Variants in NEB observed in about 807,000 individuals in gnomAD.
NEB encodes nemaline myopathy type 2.
Under a neutral mutation model 952.2 loss-of-function variants are expected in NEB, and 512 were observed. The observed-to-expected ratio is 0.54, with a 90% CI of 0.50 to 0.58. NEB has a LOEUF of 0.58. Ranked by LOEUF, NEB falls within the 20% of genes least tolerant of loss-of-function variation. NEB has a pLI of 0.00. For missense variants in NEB, 8,428 were observed against 9,231.1 expected (o/e 0.91, Z 3.56); for synonymous variants, 2,900 against 3,149.8 (o/e 0.92, Z 2.66).
rs201579869 is a variant in NEB at position 151,535,669 on chromosome 2, G to A, written c.21312+22C>T. On this transcript the variant is annotated intron_variant, in intron 142 of 181. Transcript: ENST00000397345. ...TTTAGGGAATTGAATAGGCTTAATT[G>A]GAGCAGTTTATTCATACATACCTCA... 2,973 of 1,457,912 alleles carry A rather than the reference G, an allele frequency of 2.0e-3. 13 individuals carry two copies. The highest frequency in any genetic ancestry group is 6.2e-3 in the South Asian group (515 of 83,620). 90.3% of individuals were successfully genotyped at this position (1,457,912 alleles called of 1,614,324 possible).
At chr2:151,502,361 T>C (rs959946793) in intron 167 of NEB, among the ~76,000 whole-genome samples, 14 of 147,514 alleles carry the variant, frequency 9.5e-5, no homozygotes, top group African/African-American at 3.3e-4. Context: ...CCCAAACTTA[T>C]GGAAAAATAA....
chr2:151,611,704 G>C lies in NEB; in HGVS notation c.11805+482C>G, dbSNP rs2097973021. On this transcript the variant is annotated intron_variant, in intron 78 of 181. Transcript: ENST00000397345. ...AAACTGAAAGCAGAGATTGCAGCTA[G>C]CTTTCAAAAGTGGATTTCCATAACC... Among the ~76,000 whole-genome samples, 7 of 152,314 alleles carry C rather than the reference G, an allele frequency of 4.6e-5. No individual in the cohort carries two copies. The South Asian group carries it at 1.2e-3, about 27-fold the overall frequency.
rs953960458 is a variant in NEB, at chr2:151,496,460, A to T, written c.24394-92T>A. 5 of 1,481,060 alleles carry T rather than the reference A, an allele frequency of 3.4e-6. No individual in the cohort carries two copies. The Admixed American group carries it at 9.4e-5, about 28-fold the overall frequency. 91.7% of individuals were successfully genotyped at this position (1,481,060 alleles called of 1,614,324 possible). A position where few individuals can be genotyped will look rare whatever the true frequency, so the allele number is the denominator to read the frequency against. Reference sequence around the variant, plus strand: ...GGGTAAGGTCAACTTCCTTGTTAAGAAAACACAGTCGTCCAAGGAGCCAGA... The same window carrying T: ...GGGTAAGGTCAACTTCCTTGTTAAGTAAACACAGTCGTCCAAGGAGCCAGA... On this transcript the variant is annotated intron_variant, in intron 172 of 181. Coordinates refer to ENST00000397345, the MANE Select transcript of NEB (RefSeq NM_001164508.2).
At chr2:151,552,646 A>C in intron 128 of NEB, 26 bp downstream of exon 128, 1 of 1,549,848 alleles carries the variant, frequency 6.5e-7, no homozygotes, top group Non-Finnish European at 8.9e-7. Context: ...ATTACTGTCC[A>C]CTTAACTTCC....
intron 11 of NEB, 148 bp from the exon 12 acceptor site, chr2:151,709,911 C>A: frequency 1.6e-6 from 1 of 628,100 alleles, no homozygotes; most frequent in South Asian, 1.9e-5. Flanking sequence ...GAATGTGGTA[C>A]CATTACAAAA....
rs1481356421 is a variant in NEB at position 151,503,379 on chromosome 2, T to C, written c.23805A>G (p.Arg7935=). The C allele has an allele frequency of 2.5e-6, 4 of 1,612,354 alleles. No individual in the cohort carries two copies. The East Asian group carries it at 6.7e-5, about 27-fold the overall frequency. The change falls in exon 166 of 182, where the codon AGA becomes AGG. Residue 7935 remains arginine, a synonymous_variant. Coordinates refer to ENST00000397345, the MANE Select transcript of NEB (RefSeq NM_001164508.2). ...TAAAGTTCTCTTGATTGCGTTTGACTCTCTCAATCTCTGGAGTCACAGTGG... is the reference window on the plus strand; with the variant it reads ...TAAAGTTCTCTTGATTGCGTTTGACCCTCTCAATCTCTGGAGTCACAGTGG... ...IPTTVTPEIE[R]VKRNQENFSS... is the part of the protein sequence containing the mutation.
chr2:151,556,368 T>C (rs1376145317), intron 124 of NEB, among the ~76,000 whole-genome samples: 3 of 152,144 alleles, frequency 2.0e-5, no homozygotes, highest in African/African-American at 7.2e-5. Flanking sequence ...CAGGTAAACT[T>C]CAGGGGTGTG....
At chr2:151,726,393 A>G (rs1374761525) in intron 5 of NEB, among the ~76,000 whole-genome samples, 1 of 152,244 alleles carries the variant, frequency 6.6e-6, no homozygotes, top group Non-Finnish European at 1.5e-5. Context: ...ATTTTACCAA[A>G]CAGTGAGCTG....
At chr2:151,493,073 C>T in intron 176 of NEB, 1 of 338,536 alleles carries the variant, frequency 3.0e-6, no homozygotes, top group Non-Finnish European at 5.4e-6. Context: ...CGTAGAACTA[C>T]CTCAAAGTAT....
intron 77 of NEB, among the ~76,000 whole-genome samples, chr2:151,613,375 T>G (rs2098083526): frequency 6.6e-6 from 1 of 152,226 alleles, no homozygotes; most frequent in African/African-American, 2.4e-5. Flanking sequence ...ATGCAATTGA[T>G]TCATTTAGAA....
chr2:151,525,906 C>G (rs2085480878), intron 150 of NEB, 52 bp downstream of exon 150: 1 of 1,386,470 alleles, frequency 7.2e-7, no homozygotes, highest in African/African-American at 1.4e-5. Flanking sequence ...TCACCAGATT[C>G]TACAGTCAAG....
intron 27 of NEB, among the ~76,000 whole-genome samples, chr2:151,686,423 G>C (rs1489104930): frequency 6.6e-6 from 1 of 152,090 alleles, no homozygotes; most frequent in African/African-American, 2.4e-5. Flanking sequence ...AAAAACAAAA[G>C]ATAAAAATAC....
At position 151,567,115 on chromosome 2, in the gene NEB, T is replaced by G. The variant is rs914687910; in HGVS notation, c.18156+53A>C. On this transcript the variant is annotated intron_variant, in intron 114 of 181. Transcript: ENST00000397345. ...TGTGGATCTGGGATGTTGCTCATCA[T>G]TCTCAGAGTGTACCATGCGTTTCTA... 35 of 1,442,296 alleles carry G rather than the reference T, an allele frequency of 2.4e-5. No individual in the cohort carries two copies. The African/African-American group carries it at 4.8e-4, about 20-fold the overall frequency. The allele number at this position is 1,442,296 out of a possible 1,614,324, so 89.3% of individuals were successfully genotyped here. A position where few individuals can be genotyped will look rare whatever the true frequency, so the allele number is the denominator to read the frequency against.
chr2:151,731,087 G>A (rs1383164471), intron 3 of NEB, among the ~76,000 whole-genome samples: 1 of 152,124 alleles, frequency 6.6e-6, no homozygotes, highest in African/African-American at 2.4e-5. Flanking sequence ...GGCTTCAGAA[G>A]AAATATTAAA....
Position 151,491,781 on chromosome 2 carries a change from A to G in NEB, c.25058-6T>C. ...AGTACGCCAGACACGTAAACCTGAA[A>G]GGGAAACCAGTGATCAGAACAAGTG... On this transcript the variant is annotated splice_polypyrimidine_tract_variant and splice_region_variant and intron_variant, in intron 178 of 181. Coordinates refer to ENST00000397345, the MANE Select transcript of NEB (RefSeq NM_001164508.2). The G allele has an allele frequency of 6.4e-7, 1 of 1,573,596 alleles. No homozygotes were observed. The highest frequency in any genetic ancestry group is 8.6e-7 in the Non-Finnish European group (1 of 1,156,926).
chr2:151,665,197 A>G, intron 42 of NEB, 136 bp downstream of exon 42: 1 of 771,006 alleles, frequency 1.3e-6, no homozygotes, highest in Admixed American at 2.5e-5. Context: ...TAATGGAAGC[A>G]ATAGAGTCCC....
chr2:151,504,727 C>T (rs986148914), intron 165 of NEB, among the ~76,000 whole-genome samples: 1 of 152,090 alleles, frequency 6.6e-6, no homozygotes, highest in Admixed American at 6.6e-5. Context: ...CTAGAATCTG[C>T]GTATGGATGG....
intron 4 of NEB, among the ~76,000 whole-genome samples, 166 bp from the exon 5 acceptor site, chr2:151,728,072 G>T (rs2099796346): frequency 6.6e-6 from 1 of 152,150 alleles, no homozygotes; most frequent in Non-Finnish European, 1.5e-5. Flanking sequence ...GCCGTATGAA[G>T]GCACATTATG....
chr2:151,562,062 G>T, intron 121 of NEB, 48 bp downstream of exon 121: 1 of 1,464,376 alleles, frequency 6.8e-7, no homozygotes, highest in Non-Finnish European at 9.6e-7. Context: ...CACCACCATG[G>T]ATTCTGATGA....
Sources: allele counts gnomAD v4.1 joint callset (sites outside exome capture counted in the v4.1 genomes callset), GRCh38; gene constraint gnomAD v4.1.1; transcripts MANE v1.5; gene names NCBI Gene and HGNC (gene_info 2026-07-23, HGNC 2026-07-21).